Variants in FAXDC2 observed in about 807,000 individuals in gnomAD.
FAXDC2 encodes the protein fatty acid hydroxylase domain-containing protein 2.
A neutral mutation model predicts 40.9 loss-of-function variants in FAXDC2; 41 were observed. That is an observed-to-expected ratio of 1.00 (90% CI 0.78 to 1.30). FAXDC2 has a LOEUF of 1.30. Ranked by LOEUF, FAXDC2 falls within the 50% of genes most tolerant of loss-of-function variation. The probability of loss-of-function intolerance (pLI) is 0.00; values close to 1 mark genes in which losing one functional copy is unlikely to be tolerated. For missense variants in FAXDC2, 390 were observed against 408.8 expected (o/e 0.95, Z 0.40); for synonymous variants, 157 against 149.3 (o/e 1.05, Z -0.38).
chr5:154,825,343 G>A (rs1172331995), intron 5 of FAXDC2, among the ~76,000 whole-genome samples: 5 of 94,872 alleles, frequency 5.3e-5, no homozygotes, highest in Admixed American at 1.2e-4. Flanking sequence ...CTCTAGCCTC[G>A]GTGACAGAGC....
intron 5 of FAXDC2, among the ~76,000 whole-genome samples, chr5:154,829,995 G>A (rs1199342123): frequency 6.6e-6 from 1 of 152,212 alleles, no homozygotes; most frequent in Non-Finnish European, 1.5e-5. Context: ...TGGGTCAAGA[G>A]CACTGTTTGC....
At chr5:154,845,673 C>CA (rs113578537) in intron 1 of FAXDC2, among the ~76,000 whole-genome samples, 7 of 151,264 alleles carry the variant, frequency 4.6e-5, no homozygotes, top group South Asian at 2.1e-4. Flanking sequence ...AACAAGCAAA[C>CA]AAAAAAAAAC....
At chr5:154,840,414 G>A (rs1760450496) in intron 1 of FAXDC2, among the ~76,000 whole-genome samples, 1 of 151,908 alleles carries the variant, frequency 6.6e-6, no homozygotes, top group Non-Finnish European at 1.5e-5. Flanking sequence ...TTAGGAGATG[G>A]GGTCTCACCA....
chr5:154,820,060 C>CA lies in FAXDC2; in HGVS notation c.*255_*256insT. The CA allele has an allele frequency of 2.7e-6, 1 of 371,122 alleles. No homozygotes were observed. Among genetic ancestry groups the CA allele is most frequent in the East Asian group, 6.1e-5 (1 of 16,274 alleles). 23.0% of individuals were successfully genotyped at this position (371,122 alleles called of 1,614,324 possible). ...AGGACCAGGGGTCTCCTCCCTCTGA[C>CA]CAGCCTCCAGTCTGGGGAGCTGTGT... On this transcript the variant is annotated 3_prime_UTR_variant, in exon 9 of 9. Transcript: ENST00000326080.
chr5:154,828,025 T>G (rs907430106), intron 5 of FAXDC2, among the ~76,000 whole-genome samples: 1 of 151,532 alleles, frequency 6.6e-6, no homozygotes, highest in South Asian at 2.1e-4. Flanking sequence ...AGTTAAAAAA[T>G]TTTTTGTAGA....
intron 8 of FAXDC2, 94 bp downstream of exon 8, chr5:154,821,166 T>G (rs552663732): frequency 1.0e-4 from 111 of 1,060,264 alleles, no homozygotes; most frequent in Admixed American, 2.1e-4. Flanking sequence ...AGCACTCACA[T>G]GTAAACTGAG....
intron 1 of FAXDC2, among the ~76,000 whole-genome samples, chr5:154,843,214 A>G (rs909260300): frequency 2.6e-5 from 4 of 152,228 alleles, no homozygotes; most frequent in African/African-American, 9.6e-5. Flanking sequence ...TCAAGCTTAC[A>G]GAGCTCTTTT....
At chr5:154,832,698 C>A (rs1272006520) in intron 4 of FAXDC2, among the ~76,000 whole-genome samples, 3 of 152,106 alleles carry the variant, frequency 2.0e-5, no homozygotes, top group African/African-American at 7.2e-5. Context: ...GAAATATTTT[C>A]TCTCTCTCAT....
At chr5:154,846,093 C>T (rs1280580459) in intron 1 of FAXDC2, among the ~76,000 whole-genome samples, 1 of 151,940 alleles carries the variant, frequency 6.6e-6, no homozygotes, top group Non-Finnish European at 1.5e-5. Flanking sequence ...TGAGCCACCA[C>T]GCCCAGCCTG....
chr5:154,827,170 T>C (rs919003010), intron 5 of FAXDC2, among the ~76,000 whole-genome samples: 2 of 152,036 alleles, frequency 1.3e-5, no homozygotes, highest in African/African-American at 4.8e-5. Flanking sequence ...CCAGGCGTGA[T>C]GGCACACGCC....
chr5:154,838,606 CTT>C, intron 1 of FAXDC2: 7 of 200,222 alleles, frequency 3.5e-5, no homozygotes, highest in Non-Finnish European at 5.9e-5. Flanking sequence ...TTGGTTTGTT[CTT>C]TTTTTTTTGA....
chr5:154,843,537 T>C (rs1760530057), intron 1 of FAXDC2, among the ~76,000 whole-genome samples: 1 of 152,210 alleles, frequency 6.6e-6, no homozygotes, highest in Non-Finnish European at 1.5e-5. Context: ...AGGTAGGAGA[T>C]CTGGTACACC....
intron 2 of FAXDC2, among the ~76,000 whole-genome samples, chr5:154,836,914 A>T (rs2113156178): frequency 6.6e-6 from 1 of 152,280 alleles, no homozygotes; most frequent in South Asian, 2.1e-4. Flanking sequence ...ACCTCAGGTG[A>T]TCTGCCTGTC....
In FAXDC2 at chr5:154,821,244, G is replaced by A. The variant is rs930716162; in HGVS notation, c.845+16C>T. 6.2e-7 allele frequency: 1 copy of A among 1,607,194 alleles called. No individual in the cohort carries two copies. Among genetic ancestry groups the A allele is most frequent in the African/African-American group, 1.3e-5 (1 of 74,490 alleles). Reference sequence around the variant, plus strand: ...GGTTGTTGCCTAGGGACCCATTGTGGGGAGAAGGTCCTTACTTGAGATGGT... The same window carrying A: ...GGTTGTTGCCTAGGGACCCATTGTGAGGAGAAGGTCCTTACTTGAGATGGT... On this transcript the variant is annotated intron_variant, in intron 8 of 8. Coordinates refer to ENST00000326080, the MANE Select transcript of FAXDC2 (RefSeq NM_032385.5).
At position 154,845,920 on chromosome 5, in the gene FAXDC2, G is replaced by A. The variant is rs1337512088; in HGVS notation, c.-1+4563C>T. Among the ~76,000 whole-genome samples, 6 of 150,726 alleles carry A rather than the reference G, an allele frequency of 4.0e-5. No individual in the cohort carries two copies. The East Asian group carries it at 1.2e-3, about 29-fold the overall frequency. On this transcript the variant is annotated intron_variant, in intron 1 of 8. Coordinates refer to ENST00000326080, the MANE Select transcript of FAXDC2 (RefSeq NM_032385.5). ...CCTGCTTCAGCCTCCTGAGTAGCTGGGATTACAGGCATGCGTCACCACACC... is the reference window on the plus strand; with the variant it reads ...CCTGCTTCAGCCTCCTGAGTAGCTGAGATTACAGGCATGCGTCACCACACC...
intron 1 of FAXDC2, 94 bp from the exon 2 acceptor site, chr5:154,838,272 T>G: frequency 8.4e-7 from 1 of 1,188,964 alleles, no homozygotes; most frequent in Non-Finnish European, 1.2e-6. Context: ...TGGCTAGCAG[T>G]GATTTTTGAA....
At position 154,830,782 on chromosome 5, in the gene FAXDC2, A is replaced by G. The variant is rs1582527365; in HGVS notation, c.366+19T>C. ...CTCTTGCTTTCTGTGCTTTGACCAG[A>G]AGTTGCAACAACACTTACAGGTTCA... On this transcript the variant is annotated intron_variant, in intron 5 of 8. Coordinates refer to ENST00000326080, the MANE Select transcript of FAXDC2 (RefSeq NM_032385.5). 1.3e-6 allele frequency: 2 copies of G among 1,596,784 alleles called. No homozygotes were observed. Among genetic ancestry groups the G allele is most frequent in the Non-Finnish European group, 1.7e-6 (2 of 1,170,378 alleles).
intron 1 of FAXDC2, among the ~76,000 whole-genome samples, chr5:154,845,147 T>C (rs1760571021): frequency 6.6e-6 from 1 of 152,202 alleles, no homozygotes; most frequent in South Asian, 2.1e-4. Flanking sequence ...CCTCCAATTG[T>C]ATTGTTCTGC....
intron 5 of FAXDC2, among the ~76,000 whole-genome samples, chr5:154,827,845 G>T (rs1016764742): frequency 6.6e-6 from 1 of 151,690 alleles, no homozygotes; most frequent in Non-Finnish European, 1.5e-5. Context: ...ACTCCACCTG[G>T]CCTGTTTTTT....
Sources: allele counts gnomAD v4.1 joint callset (sites outside exome capture counted in the v4.1 genomes callset), GRCh38; gene constraint gnomAD v4.1.1; transcripts MANE v1.5; gene names NCBI Gene and HGNC (gene_info 2026-07-23, HGNC 2026-07-21).